Variants in TBC1D19 observed in about 807,000 individuals in gnomAD.
TBC1D19 encodes TBC1 domain family, member 19.
A neutral mutation model predicts 89.0 loss-of-function variants in TBC1D19; 60 were observed. The observed-to-expected ratio is 0.67, with a 90% CI of 0.55 to 0.84. The LOEUF is 0.84. Among genes scored for constraint, TBC1D19 ranks in the 40% least tolerant of loss-of-function variants. TBC1D19 has a pLI of 0.00. For synonymous variants in TBC1D19, 189 were observed against 199.7 expected, an observed-to-expected ratio of 0.95 and a Z score of 0.45; for missense variants, 500 against 610.8, an observed-to-expected ratio of 0.82 and a Z score of 1.91.
chr4:26,832,081 C>T, the TBC1D19 span, among the ~76,000 whole-genome samples: 1 of 152,202 alleles, frequency 6.6e-6, no homozygotes, highest in Non-Finnish European at 1.5e-5. Context: ...GCTGGGCAAG[C>T]TGTGGGTGAT....
chr4:26,590,796 G>GTTTTATTTT (rs1739722938), intron 1 of TBC1D19, among the ~76,000 whole-genome samples: 1 of 52,958 alleles, frequency 1.9e-5, no homozygotes, highest in Non-Finnish European at 3.1e-5. Flanking sequence ...TTGCAGGTCT[G>GTTTTATTTT]TTTTTTTTTT....
At chr4:26,840,982 C>T in the TBC1D19 span, among the ~76,000 whole-genome samples, 1 of 152,160 alleles carries the variant, frequency 6.6e-6, no homozygotes, top group East Asian at 1.9e-4. Context: ...CCATTATCCT[C>T]CACCCTGGCA....
At chr4:26,634,585 C>T (rs572875333) in intron 4 of TBC1D19, among the ~76,000 whole-genome samples, 17 of 152,012 alleles carry the variant, frequency 1.1e-4, no homozygotes, top group Non-Finnish European at 2.2e-4. Flanking sequence ...TTTAATACTG[C>T]GTCTTTATGT....
chr4:26,680,136 G>T (rs1474017452), intron 11 of TBC1D19, among the ~76,000 whole-genome samples: 1 of 152,180 alleles, frequency 6.6e-6, no homozygotes, highest in East Asian at 1.9e-4. Context: ...CACCATGATT[G>T]TAAGTTTTCT....
chr4:26,666,728 C>T (rs535937635), intron 9 of TBC1D19, among the ~76,000 whole-genome samples: 2 of 151,958 alleles, frequency 1.3e-5, no homozygotes, highest in African/African-American at 4.8e-5. Flanking sequence ...TTTTGTATCA[C>T]CAAGTTAAGT....
intron 7 of TBC1D19, among the ~76,000 whole-genome samples, chr4:26,645,982 G>T (rs375840326): frequency 1.3e-5 from 2 of 151,636 alleles, no homozygotes; most frequent in East Asian, 1.9e-4. Flanking sequence ...AATTAGCCGG[G>T]CGTAGTGGCG....
At chr4:26,748,560 T>C (rs1398004918) in intron 19 of TBC1D19, 34 bp downstream of exon 19, 2 of 1,454,676 alleles carry the variant, frequency 1.4e-6, no homozygotes, top group Admixed American at 1.8e-5. Context: ...GAACACATGC[T>C]GTTTCTATAA....
At chr4:26,725,840 G>T (rs555500436) in intron 15 of TBC1D19, among the ~76,000 whole-genome samples, 112 of 152,246 alleles carry the variant, frequency 7.4e-4, no homozygotes, top group African/African-American at 2.6e-3. Context: ...CTAGAATCAT[G>T]CATGGCATAA....
At chr4:26,674,030 A>C in intron 11 of TBC1D19, 142 bp downstream of exon 11, 1 of 517,710 alleles carries the variant, frequency 1.9e-6, no homozygotes, top group Non-Finnish European at 3.5e-6. Context: ...CTATAGTTTT[A>C]GGTTCTAAAA....
intron 13 of TBC1D19, among the ~76,000 whole-genome samples, chr4:26,708,866 A>AT (rs1715942478): frequency 6.6e-6 from 1 of 150,656 alleles, no homozygotes; most frequent in East Asian, 1.9e-4. Context: ...TTGTTCATAT[A>AT]TTTTTTCTTG....
chr4:26,577,708 CA>C (rs1348581948), intron 1 of TBC1D19, among the ~76,000 whole-genome samples: 1 of 152,104 alleles, frequency 6.6e-6, no homozygotes, highest in African/African-American at 2.4e-5. Context: ...GGCATGTTAA[CA>C]AGAAGGGAAT....
At chr4:26,692,116 G>A (rs758508165) in intron 13 of TBC1D19, among the ~76,000 whole-genome samples, 17 of 152,056 alleles carry the variant, frequency 1.1e-4, no homozygotes, top group Non-Finnish European at 7.4e-5. Flanking sequence ...CCCCAGATTA[G>A]CATGACAGAA....
chr4:26,812,471 C>T, the TBC1D19 span, among the ~76,000 whole-genome samples: 1 of 152,192 alleles, frequency 6.6e-6, no homozygotes, highest in Non-Finnish European at 1.5e-5. This position sits in a 1 kb window ranked among gnomAD's most constrained non-coding sequence, Gnocchi z 4.2. Flanking sequence ...AGAGCACCAA[C>T]CCTTCAGATG....
chr4:26,760,748 T>A (rs939867304), downstream of TBC1D19, among the ~76,000 whole-genome samples: 1 of 152,212 alleles, frequency 6.6e-6, no homozygotes, highest in Non-Finnish European at 1.5e-5. Flanking sequence ...TTATCTATTT[T>A]TTCTTTTATG....
At chr4:26,853,018 G>A in the TBC1D19 span, among the ~76,000 whole-genome samples, 2 of 152,132 alleles carry the variant, frequency 1.3e-5, no homozygotes, top group Non-Finnish European at 2.9e-5. Context: ...TGGCGTCCCC[G>A]CTCCTACCAT....
In TBC1D19 at chr4:26,673,759, T is replaced by G; in HGVS notation, c.704-17T>G. On this transcript the variant is annotated splice_polypyrimidine_tract_variant and intron_variant, in intron 10 of 20. Transcript: ENST00000264866. The stretch of plus-strand genomic sequence containing the variant: ...CATTCTGAGTTTTCAAAGGAGATTT[T>G]CATATACTTTTGATAGTTCTAGCAG... 1 of 1,533,450 alleles carries G rather than the reference T, an allele frequency of 6.5e-7. No individual in the cohort carries two copies. Among genetic ancestry groups the G allele is most frequent in the Non-Finnish European group, 9.0e-7 (1 of 1,108,684 alleles). The allele number at this position is 1,533,450 out of a possible 1,614,324, so 95.0% of individuals were successfully genotyped here. A position where few individuals can be genotyped will look rare whatever the true frequency, so the allele number is the denominator to read the frequency against.
chr4:26,816,454 A>G, the TBC1D19 span, among the ~76,000 whole-genome samples: 1 of 152,176 alleles, frequency 6.6e-6, no homozygotes. Flanking sequence ...AAAACAGGAT[A>G]TTTGCATAAT....
chr4:26,794,078 A>G, the TBC1D19 span, among the ~76,000 whole-genome samples: 1 of 152,210 alleles, frequency 6.6e-6, no homozygotes, highest in Non-Finnish European at 1.5e-5. Context: ...CATGTTCCCA[A>G]AAGGAGATTG....
At chr4:26,824,667 T>TTTTC in the TBC1D19 span, among the ~76,000 whole-genome samples, 2 of 152,012 alleles carry the variant, frequency 1.3e-5, no homozygotes, top group Admixed American at 1.3e-4. Context: ...AGTGGGGTCA[T>TTTTC]TTTCTTTCTT....
Sources: allele counts gnomAD v4.1 joint callset (sites outside exome capture counted in the v4.1 genomes callset), GRCh38; gene constraint gnomAD v4.1.1; non-coding constraint Gnocchi (gnomAD v3.1); transcripts MANE v1.5; gene names NCBI Gene and HGNC (gene_info 2026-07-23, HGNC 2026-07-21).